The following TTC28 variants were observed in gnomAD, a reference collection of about 807,000 sequenced individuals.
TTC28 encodes tetratricopeptide repeat domain 28, also known as tetratricopeptide repeat protein 28.
A neutral mutation model predicts 198.0 loss-of-function variants in TTC28; 61 were observed. The ratio of observed to expected loss-of-function variants is 0.31; its 90% CI spans 0.25 to 0.38. The LOEUF (loss-of-function observed/expected upper bound fraction) is 0.38, where lower values mean the gene tolerates loss of function less well. TTC28 is among the 10% of genes least tolerant of loss of function. The probability of loss-of-function intolerance (pLI) is 1.00; values close to 1 mark genes in which losing one functional copy is unlikely to be tolerated. For synonymous variants in TTC28, 1,171 were observed against 1,297.8 expected (o/e 0.90, Z 2.10); for missense variants, 2,678 against 3,164.0 (o/e 0.85, Z 3.69).
intron 2 of TTC28, among the ~76,000 whole-genome samples, chr22:28,491,823 T>C (rs974794619): frequency 2.0e-5 from 3 of 152,120 alleles, no homozygotes; most frequent in East Asian, 3.8e-4. Context: ...ATGTTTATTG[T>C]GGCACTATTC....
chr22:28,209,879 C>T (rs1298984214), intron 5 of TTC28, among the ~76,000 whole-genome samples: 2 of 152,220 alleles, frequency 1.3e-5, no homozygotes, highest in African/African-American at 4.8e-5. Context: ...AACTGAGAGA[C>T]ACCTCCCAGT....
At chr22:28,324,549 A>G (rs2045496870) in intron 2 of TTC28, among the ~76,000 whole-genome samples, 2 of 152,196 alleles carry the variant, frequency 1.3e-5, no homozygotes, top group Admixed American at 6.5e-5. Context: ...ACCATGATCA[A>G]GTGGTCTTCA....
chr22:28,304,971 A>ATTTATTATTTAT (rs374311864), intron 3 of TTC28, among the ~76,000 whole-genome samples: 1 of 147,884 alleles, frequency 6.8e-6, no homozygotes, highest in Non-Finnish European at 1.5e-5. Flanking sequence ...TTGTTTATTT[A>ATTTATTATTTAT]TTATTTATTT....
At chr22:28,497,485 C>CT (rs1471737476) in intron 2 of TTC28, among the ~76,000 whole-genome samples, 1 of 152,042 alleles carries the variant, frequency 6.6e-6, no homozygotes, top group Non-Finnish European at 1.5e-5. Flanking sequence ...CAATTGAAAA[C>CT]TTTTTTAAAA....
intron 21 of TTC28, among the ~76,000 whole-genome samples, chr22:27,989,602 A>G (rs1937326898): frequency 6.6e-6 from 1 of 151,972 alleles, no homozygotes; most frequent in African/African-American, 2.4e-5. Flanking sequence ...ATGCACCACC[A>G]TGCCCGGCTA....
intron 17 of TTC28, among the ~76,000 whole-genome samples, chr22:27,994,863 G>A (rs1170139906): frequency 6.6e-6 from 1 of 152,174 alleles, no homozygotes; most frequent in Non-Finnish European, 1.5e-5. Context: ...AAGGACGGAG[G>A]GACTTCGGGG....
intron 12 of TTC28, among the ~76,000 whole-genome samples, chr22:28,053,141 C>G (rs1394464397): frequency 1.3e-5 from 2 of 152,210 alleles, no homozygotes; most frequent in Non-Finnish European, 2.9e-5. Flanking sequence ...TAAAGAAATG[C>G]AAAGAACGAA....
At chr22:28,024,601 TA>T (rs1345625104) in intron 13 of TTC28, among the ~76,000 whole-genome samples, 2 of 152,056 alleles carry the variant, frequency 1.3e-5, no homozygotes, top group Non-Finnish European at 2.9e-5. Context: ...AGGTGGGTGG[TA>T]ATGGGATCAG....
chr22:28,428,621 T>TTTTATTTTAC (rs2146195329), intron 2 of TTC28, among the ~76,000 whole-genome samples: 1 of 141,158 alleles, frequency 7.1e-6, no homozygotes, highest in South Asian at 2.1e-4. Context: ...TTTTATTTTA[T>TTTTATTTTAC]TTTATTTTAT....
chr22:28,342,898 T>G (rs1601660730), intron 2 of TTC28, among the ~76,000 whole-genome samples: 2 of 152,284 alleles, frequency 1.3e-5, no homozygotes, highest in South Asian at 2.1e-4. Flanking sequence ...TGCACAGACC[T>G]AGACTAAAAT....
At chr22:28,364,061 A>C (rs1181017465) in intron 2 of TTC28, among the ~76,000 whole-genome samples, 6 of 152,160 alleles carry the variant, frequency 3.9e-5, no homozygotes, top group Admixed American at 6.5e-5. Context: ...GTAGGACATG[A>C]GACCTGGGAG....
intron 2 of TTC28, among the ~76,000 whole-genome samples, chr22:28,590,051 A>AAAAAAAAAC (rs2050397975): frequency 8.0e-6 from 1 of 124,664 alleles, no homozygotes; most frequent in African/African-American, 2.6e-5. Context: ...AAAAAAAAAA[A>AAAAAAAAAC]AAAAAAAAAA....
rs544625320 is a variant in TTC28 at position 28,109,268 on chromosome 22, A to T, written c.1442-865T>A. On this transcript the variant is annotated intron_variant, in intron 6 of 22. Coordinates refer to ENST00000397906, the MANE Select transcript of TTC28 (RefSeq NM_001145418.2). ...CAACTCAATAGAGGATTATGCAGTC[A>T]TTAAAAAGATAATTATGAAGTCTAT... 2.5e-3 allele frequency among the ~76,000 whole-genome samples: 380 copies of T among 152,376 alleles called. 2 individuals are homozygous for T. The highest frequency in any genetic ancestry group is 0.017 in the Middle Eastern group (5 of 294).
chr22:28,160,767 T>C (rs1921077368), intron 6 of TTC28, among the ~76,000 whole-genome samples: 2 of 152,214 alleles, frequency 1.3e-5, no homozygotes, highest in Admixed American at 1.3e-4. Context: ...AGCCTCCTTT[T>C]TCTATTTTAT....
At chr22:28,332,044 G>C (rs760533885) in intron 2 of TTC28, among the ~76,000 whole-genome samples, 2 of 152,064 alleles carry the variant, frequency 1.3e-5, no homozygotes, top group African/African-American at 4.8e-5. Flanking sequence ...ACTTGCATAT[G>C]AGTCTTCTAC....
In TTC28 at chr22:28,640,314, G is replaced by C. The variant is rs541125675; in HGVS notation, c.103-10484C>G. On this transcript the variant is annotated intron_variant, in intron 1 of 22. Coordinates refer to ENST00000397906, the MANE Select transcript of TTC28 (RefSeq NM_001145418.2). Reference sequence around the variant, plus strand: ...ACTATAGAGGAGAAAAAAAGTAAAGGGGGGGGGGGGAAAGATGAGCAATAA... The same window carrying C: ...ACTATAGAGGAGAAAAAAAGTAAAGCGGGGGGGGGGAAAGATGAGCAATAA... Among the ~76,000 whole-genome samples the C allele has an allele frequency of 9.3e-4, 85 of 90,998 alleles. 1 individual carries two copies. The highest frequency in any genetic ancestry group is 3.3e-3 in the African/African-American group (66 of 20,050). 59.7% of individuals were successfully genotyped at this position (90,998 alleles called of 152,430 possible). A position where few individuals can be genotyped will look rare whatever the true frequency, so the allele number is the denominator to read the frequency against.
At chr22:28,017,666 G>A (rs1938426488) in intron 13 of TTC28, among the ~76,000 whole-genome samples, 1 of 152,186 alleles carries the variant, frequency 6.6e-6, no homozygotes, top group Non-Finnish European at 1.5e-5. Context: ...TGGGCACTGG[G>A]CAGAGGATCT....
chr22:28,377,213 A>C (rs904395645), intron 2 of TTC28, among the ~76,000 whole-genome samples: 1 of 151,470 alleles, frequency 6.6e-6, no homozygotes, highest in Non-Finnish European at 1.5e-5. Flanking sequence ...AAAAAAAAAA[A>C]AAACCATGTA....
At chr22:28,017,774 T>C (rs952376607) in intron 13 of TTC28, among the ~76,000 whole-genome samples, 4 of 152,154 alleles carry the variant, frequency 2.6e-5, no homozygotes, top group Admixed American at 1.3e-4. Flanking sequence ...AGTTGTTTCC[T>C]AGGGGATGAG....
Sources: allele counts gnomAD v4.1 joint callset (sites outside exome capture counted in the v4.1 genomes callset), GRCh38; gene constraint gnomAD v4.1.1; transcripts MANE v1.5; gene names NCBI Gene and HGNC (gene_info 2026-07-23, HGNC 2026-07-21).